RAPGEF6: variants seen among roughly 807,000 people sequenced by gnomAD.
RAPGEF6 encodes the protein PDZ domain containing guanine nucleotide exchange factor (GEF) 2.
Under a neutral mutation model 171.4 loss-of-function variants are expected in RAPGEF6, and 56 were observed. The observed-to-expected ratio is 0.33, with a 90% CI of 0.26 to 0.41. The LOEUF is 0.41. Among genes scored for constraint, RAPGEF6 ranks in the 10% least tolerant of loss-of-function variants. The pLI, the probability that RAPGEF6 is intolerant of heterozygous loss-of-function variation, is 1.00. For synonymous variants in RAPGEF6, 692 were observed against 650.1 expected, an observed-to-expected ratio of 1.06 and a Z score of -0.98; for missense variants, 1,674 against 1,921.4, an observed-to-expected ratio of 0.87 and a Z score of 2.41.
At position 131,593,484 on chromosome 5, in the gene RAPGEF6, G is replaced by A. The variant is rs141026108; in HGVS notation, c.198-1018C>T. The stretch of plus-strand genomic sequence containing the variant: ...AATGTAGAAGTGACTTTGGAACTGG[G>A]TAACGGGCAGAGGCTGGAATGGTTT... On this transcript the variant is annotated intron_variant, in intron 3 of 27. Transcript: ENST00000509018. Among the ~76,000 whole-genome samples the A allele has an allele frequency of 8.3e-4, 127 of 152,350 alleles. 1 individual carries two copies. Among genetic ancestry groups the A allele is most frequent in the African/African-American group, 2.9e-3 (122 of 41,582 alleles).
rs564465638 is a variant in RAPGEF6, at chr5:131,621,867, A to AC, written c.69+13094dup. The stretch of plus-strand genomic sequence containing the variant: ...AAAACAACTTGAACAGCACCTGCCT[A>AC]CCCTTTGCTCTTCTCCCCCAAAGGC... On this transcript the variant is annotated intron_variant, in intron 1 of 27. Coordinates refer to ENST00000509018, the MANE Select transcript of RAPGEF6 (RefSeq NM_016340.6). 3.4e-4 allele frequency among the ~76,000 whole-genome samples: 52 copies of AC among 152,174 alleles called. 1 individual carries two copies. In the South Asian group the frequency reaches 0.01, roughly 30 times the overall value.
Position 131,609,356 on chromosome 5 carries a change from A to T in RAPGEF6, c.70-4663T>A, listed in dbSNP as rs573822742. Among the ~76,000 whole-genome samples, 3 of 152,330 alleles carry T rather than the reference A, an allele frequency of 2.0e-5. No individual in the cohort carries two copies. The East Asian group carries it at 5.8e-4, about 29-fold the overall frequency. ...TCAGGGGTCTAGAAGGAAAAAGACAAAAAGATCAGGGACAAGGAGGGATAG... is the reference window on the plus strand; with the variant it reads ...TCAGGGGTCTAGAAGGAAAAAGACATAAAGATCAGGGACAAGGAGGGATAG... On this transcript the variant is annotated intron_variant, in intron 1 of 27. Coordinates refer to ENST00000509018, the MANE Select transcript of RAPGEF6 (RefSeq NM_016340.6).
intron 24 of RAPGEF6, among the ~76,000 whole-genome samples, chr5:131,434,949 A>C (rs977777023): frequency 6.6e-6 from 1 of 152,230 alleles, no homozygotes; most frequent in South Asian, 2.1e-4. Flanking sequence ...GGTTTAGTAG[A>C]TATGTGACCT....
rs146801860 is a variant in RAPGEF6, at chr5:131,470,667, T to C, written c.2239+1920A>G. Among the ~76,000 whole-genome samples, 14 of 152,336 alleles carry C rather than the reference T, an allele frequency of 9.2e-5. No homozygotes were observed. In the East Asian group the frequency reaches 2.3e-3, roughly 25 times the overall value. Reference sequence around the variant, plus strand: ...CTACGTAGTGTGAAAAGCACTGCTGTAAAACACACACACAGAGACAAAGAA... The same window carrying C: ...CTACGTAGTGTGAAAAGCACTGCTGCAAAACACACACACAGAGACAAAGAA... On this transcript the variant is annotated intron_variant, in intron 17 of 27. Coordinates refer to ENST00000509018, the MANE Select transcript of RAPGEF6 (RefSeq NM_016340.6).
intron 6 of RAPGEF6, among the ~76,000 whole-genome samples, chr5:131,531,329 A>T (rs1328729687): frequency 6.6e-6 from 1 of 152,242 alleles, no homozygotes; most frequent in Non-Finnish European, 1.5e-5. Flanking sequence ...TTTATAATAC[A>T]TACATGAGAC....
intron 11 of RAPGEF6, among the ~76,000 whole-genome samples, chr5:131,499,862 A>G (rs1304341062): frequency 6.6e-6 from 1 of 152,190 alleles, no homozygotes; most frequent in African/African-American, 2.4e-5. Flanking sequence ...ATCTATTAAA[A>G]ATAAAAAGGT....
intron 6 of RAPGEF6, among the ~76,000 whole-genome samples, chr5:131,537,225 T>C (rs1759832648): frequency 6.6e-6 from 1 of 152,132 alleles, no homozygotes; most frequent in Non-Finnish European, 1.5e-5. Flanking sequence ...ATTTCAAGTA[T>C]GATAAAAAGT....
At chr5:131,507,932 C>T in intron 9 of RAPGEF6, 139 bp downstream of exon 9, 1 of 814,974 alleles carries the variant, frequency 1.2e-6, no homozygotes, top group African/African-American at 1.8e-5. Flanking sequence ...TTGTAACTAA[C>T]TCAAACTTGG....
rs1751706973 is a variant in RAPGEF6, at chr5:131,431,500, T to C, written c.3975-151A>G. 2.5e-5 allele frequency: 20 copies of C among 799,536 alleles called. No individual in the cohort carries two copies. In the South Asian group the frequency reaches 3.8e-4, roughly 15 times the overall value. 49.5% of individuals were successfully genotyped at this position (799,536 alleles called of 1,614,324 possible). A position where few individuals can be genotyped will look rare whatever the true frequency, so the allele number is the denominator to read the frequency against. On this transcript the variant is annotated intron_variant, in intron 25 of 27. Coordinates refer to ENST00000509018, the MANE Select transcript of RAPGEF6 (RefSeq NM_016340.6). ...CGTGAGGAAAACAATATTATCATCA[T>C]TCATCACTATATTCCTTGTAAGTAT... is the stretch of plus-strand genomic sequence containing the variant.
At chr5:131,515,721 T>A (rs908083533) in intron 7 of RAPGEF6, among the ~76,000 whole-genome samples, 1 of 152,196 alleles carries the variant, frequency 6.6e-6, no homozygotes, top group African/African-American at 2.4e-5. Context: ...CATGAAAATG[T>A]CATCTTCATG....
chr5:131,585,680 G>C (rs1295224997), intron 4 of RAPGEF6, among the ~76,000 whole-genome samples: 1 of 152,122 alleles, frequency 6.6e-6, no homozygotes, highest in East Asian at 1.9e-4. Context: ...ATAAAAATTA[G>C]CTGGGTGTGG....
rs1251388931 is a variant in RAPGEF6 at position 131,528,313 on chromosome 5, T to TATTATATATATATATATA, written c.496-6793_496-6792insTATATATATATATATAAT. On this transcript the variant is annotated intron_variant, in intron 6 of 27. Transcript: ENST00000509018. ...AATAAAATAAAATAATATATTTATA[T>TATTATATATATATATATA]TATATATATATATATATATATATAT... 1.4e-3 allele frequency among the ~76,000 whole-genome samples: 66 copies of TATTATATATATATATATA among 48,822 alleles called. 2 individuals carry two copies. Among genetic ancestry groups the TATTATATATATATATATA allele is most frequent in the Middle Eastern group, 0.01 (1 of 98 alleles). The allele number at this position is 48,822 out of a possible 152,430, so 32.0% of individuals were successfully genotyped here. A position where few individuals can be genotyped will look rare whatever the true frequency, so the allele number is the denominator to read the frequency against.
intron 4 of RAPGEF6, among the ~76,000 whole-genome samples, chr5:131,583,370 G>A (rs945379994): frequency 6.6e-6 from 1 of 152,160 alleles, no homozygotes; most frequent in African/African-American, 2.4e-5. Context: ...GTGGCAATAA[G>A]ATGCCAAATT....
At chr5:131,474,750 A>G (rs1754985154) in intron 16 of RAPGEF6, among the ~76,000 whole-genome samples, 2 of 152,234 alleles carry the variant, frequency 1.3e-5, no homozygotes, top group Admixed American at 1.3e-4. Context: ...AGGGCTTTCA[A>G]AGGTATTTAA....
chr5:131,447,833 G>T (rs956175218), intron 21 of RAPGEF6, among the ~76,000 whole-genome samples: 2 of 152,026 alleles, frequency 1.3e-5, no homozygotes, highest in Non-Finnish European at 2.9e-5. Flanking sequence ...TCCAATAGGG[G>T]TATATCTTAC....
intron 1 of RAPGEF6, among the ~76,000 whole-genome samples, chr5:131,625,657 T>C (rs1765871618): frequency 6.6e-6 from 1 of 151,888 alleles, no homozygotes; most frequent in Non-Finnish European, 1.5e-5. Flanking sequence ...CTACTAAAAA[T>C]ACAAAAAAAT....
At chr5:131,438,893 T>C (rs1483428164) in intron 24 of RAPGEF6, among the ~76,000 whole-genome samples, 4 of 152,214 alleles carry the variant, frequency 2.6e-5, no homozygotes, top group African/African-American at 4.8e-5. Flanking sequence ...CTAATTTTTG[T>C]TTTCCTAAAT....
intron 21 of RAPGEF6, chr5:131,449,915 G>C (rs1046665273): frequency 2.4e-5 from 29 of 1,211,790 alleles, no homozygotes; most frequent in Admixed American, 2.0e-5. Context: ...AGGCTGACAG[G>C]GTTAATAGAA....
chr5:131,474,575 T>C (rs913012017), intron 16 of RAPGEF6, among the ~76,000 whole-genome samples: 14 of 152,304 alleles, frequency 9.2e-5, no homozygotes, highest in Admixed American at 4.6e-4. Context: ...GGAAGTGCTT[T>C]CCTGGGGAGA....
Sources: gnomAD v4.1 joint callset for allele counts (sites outside exome capture counted in the v4.1 genomes callset) on GRCh38, gnomAD v4.1.1 for gene constraint, MANE v1.5 for transcripts, NCBI Gene and HGNC (gene_info 2026-07-23, HGNC 2026-07-21) for gene names.